The following KALRN variants were observed in gnomAD, a reference collection of about 807,000 sequenced individuals.
KALRN encodes kalirin.
In KALRN, 70 loss-of-function variants were observed where a neutral mutation model predicts 353.7. The ratio of observed to expected loss-of-function variants is 0.20; its 90% CI spans 0.16 to 0.24. The LOEUF is 0.24. Among genes scored for constraint, KALRN ranks in the 10% least tolerant of loss-of-function variants. The pLI, the probability that KALRN is intolerant of heterozygous loss-of-function variation, is 1.00. For synonymous variants in KALRN, 1,391 were observed against 1,434.8 expected, an observed-to-expected ratio of 0.97 and a Z score of 0.69; for missense variants, 2,791 against 3,756.7, an observed-to-expected ratio of 0.74 and a Z score of 6.72.
rs558514636 is a variant in KALRN, at chr3:124,034,493, A to C, written c.73+680A>C. The stretch of plus-strand genomic sequence containing the variant: ...AGAATTACTCATTCCTGGAAGTGTG[A>C]GTTAGCGTCCCTCTCATACACACCC... On this transcript the variant is annotated intron_variant, in intron 1 of 59. Transcript: ENST00000682506. Among the ~76,000 whole-genome samples the C allele has an allele frequency of 2.0e-5, 3 of 152,118 alleles. No homozygotes were observed. In the South Asian group the frequency reaches 6.2e-4, roughly 32 times the overall value.
intron 34 of KALRN, among the ~76,000 whole-genome samples, chr3:124,621,141 A>G (rs1183747741): frequency 6.6e-6 from 1 of 152,200 alleles, no homozygotes; most frequent in Non-Finnish European, 1.5e-5. Context: ...CCCTATGTGG[A>G]TGCCACTGGA....
At chr3:124,260,813 A>G (rs1482105712) in intron 3 of KALRN, among the ~76,000 whole-genome samples, 1 of 151,794 alleles carries the variant, frequency 6.6e-6, no homozygotes, top group Non-Finnish European at 1.5e-5. Flanking sequence ...AATCACTTGA[A>G]CTTTCTCAAT....
chr3:124,185,190 A>G (rs1387591527), intron 1 of KALRN, among the ~76,000 whole-genome samples: 1 of 151,950 alleles, frequency 6.6e-6, no homozygotes, highest in East Asian at 1.9e-4. Flanking sequence ...TAATTTTTGT[A>G]TTTTTAGTAG....
intron 57 of KALRN, among the ~76,000 whole-genome samples, chr3:124,703,087 C>T (rs542732426): frequency 2.6e-5 from 4 of 152,166 alleles, no homozygotes; most frequent in Non-Finnish European, 4.4e-5. Context: ...GGGCCATTGA[C>T]ATCATTTCTA....
intron 34 of KALRN, among the ~76,000 whole-genome samples, chr3:124,612,971 T>A (rs989902740): frequency 5.9e-5 from 9 of 152,204 alleles, no homozygotes; most frequent in Non-Finnish European, 1.0e-4. Flanking sequence ...AAAAGGGCAT[T>A]CTTATGGAAA....
chr3:124,517,613 A>G (rs1372912036), intron 33 of KALRN, among the ~76,000 whole-genome samples: 1 of 152,156 alleles, frequency 6.6e-6, no homozygotes, highest in Non-Finnish European at 1.5e-5. Context: ...CAGATGGCCC[A>G]GTAGAGATGG....
intron 9 of KALRN, among the ~76,000 whole-genome samples, chr3:124,338,794 T>A (rs1467699077): frequency 2.0e-5 from 3 of 152,158 alleles, no homozygotes; most frequent in Non-Finnish European, 4.4e-5. Flanking sequence ...CCTGCGAACT[T>A]GCTTTATGAA....
Position 124,142,984 on chromosome 3 carries a change from A to G in KALRN, c.74-85006A>G, listed in dbSNP as rs1161471182. 3.1e-4 allele frequency among the ~76,000 whole-genome samples: 47 copies of G among 151,234 alleles called. 1 individual carries two copies. Among genetic ancestry groups the G allele is most frequent in the Admixed American group, 3.1e-3 (47 of 15,200 alleles). On this transcript the variant is annotated intron_variant, in intron 1 of 59. Transcript: ENST00000682506. ...AGCTACTAGCTTTATAAGGACAGAA[A>G]CTGTGATGGCTTTTTTTTTTCACTT...
intron 1 of KALRN, among the ~76,000 whole-genome samples, chr3:124,043,004 A>G (rs148068945): frequency 0.012 from 1,819 of 152,344 alleles, 18 homozygotes; most frequent in Non-Finnish European, 0.016. Flanking sequence ...AGGAGAACAG[A>G]TGCAGAAGGG....
chr3:124,539,006 G>C (rs537560984), intron 33 of KALRN, among the ~76,000 whole-genome samples: 1 of 152,164 alleles, frequency 6.6e-6, no homozygotes, highest in Non-Finnish European at 1.5e-5. Flanking sequence ...CTACCATGCT[G>C]TCGCATGGTG....
intron 33 of KALRN, among the ~76,000 whole-genome samples, chr3:124,512,232 C>T (rs1040438499): frequency 6.6e-6 from 1 of 152,200 alleles, no homozygotes; most frequent in African/African-American, 2.4e-5. Flanking sequence ...ACTAGTAAGT[C>T]GGGTCCTCCA....
intron 1 of KALRN, among the ~76,000 whole-genome samples, chr3:124,186,963 A>T (rs2074305110): frequency 6.6e-6 from 1 of 152,124 alleles, no homozygotes; most frequent in Non-Finnish European, 1.5e-5. Flanking sequence ...ATTTATTTTG[A>T]AGGGGGATCT....
At chr3:124,664,377 G>A (rs1461831067) in intron 45 of KALRN, among the ~76,000 whole-genome samples, 10 of 150,532 alleles carry the variant, frequency 6.6e-5, no homozygotes, top group Non-Finnish European at 1.2e-4. Flanking sequence ...GTGTGCGCGC[G>A]CGCGCATATA....
At chr3:124,272,550 G>C (rs1376233272) in intron 5 of KALRN, among the ~76,000 whole-genome samples, 1 of 152,128 alleles carries the variant, frequency 6.6e-6, no homozygotes, top group Non-Finnish European at 1.5e-5. Context: ...GAGTGTGGGG[G>C]AGTGGGCGAA....
chr3:124,694,521 A>G lies in KALRN; in HGVS notation c.7577+18A>G. 6.2e-7 allele frequency: 1 copy of G among 1,608,158 alleles called. No individual in the cohort carries two copies. Among genetic ancestry groups the G allele is most frequent in the Non-Finnish European group, 8.5e-7 (1 of 1,177,138 alleles). Reference sequence around the variant, plus strand: ...TCCTCTTGGTAAGCCGATTGCCCTAACATCAGCAACAGCAGCCCCTTGCTT... The same window carrying G: ...TCCTCTTGGTAAGCCGATTGCCCTAGCATCAGCAACAGCAGCCCCTTGCTT... On this transcript the variant is annotated intron_variant, in intron 53 of 59. Coordinates refer to ENST00000682506, the MANE Select transcript of KALRN (RefSeq NM_001388419.1).
chr3:124,046,323 G>T (rs969509973), intron 1 of KALRN, among the ~76,000 whole-genome samples: 1 of 152,154 alleles, frequency 6.6e-6, no homozygotes, highest in Non-Finnish European at 1.5e-5. Context: ...TGGGCAAAGA[G>T]GTTATCTCTG....
Position 124,067,087 on chromosome 3 carries a change from T to C in KALRN, c.73+33274T>C, listed in dbSNP as rs536264307. On this transcript the variant is annotated intron_variant, in intron 1 of 59. Transcript: ENST00000682506. ...GAGACATTAGAGATAATTTAGTCTATTTGCCTCATTCCTTCAGATAAGAAA... is the reference window on the plus strand; with the variant it reads ...GAGACATTAGAGATAATTTAGTCTACTTGCCTCATTCCTTCAGATAAGAAA... 2.0e-5 allele frequency among the ~76,000 whole-genome samples: 3 copies of C among 152,320 alleles called. No homozygotes were observed. The South Asian group carries it at 6.2e-4, about 32-fold the overall frequency.
chr3:124,229,491 G>T (rs2078927010), intron 2 of KALRN, among the ~76,000 whole-genome samples: 1 of 152,370 alleles, frequency 6.6e-6, no homozygotes, highest in South Asian at 2.1e-4. Flanking sequence ...GGTGATTTTG[G>T]TTATCTACAA....
chr3:124,498,128 T>C (rs902367545), intron 33 of KALRN, among the ~76,000 whole-genome samples: 6 of 152,108 alleles, frequency 3.9e-5, no homozygotes, highest in Non-Finnish European at 7.4e-5. Context: ...AGAACACAGA[T>C]CTCCTGATTT....
Sources: allele counts gnomAD v4.1 joint callset (sites outside exome capture counted in the v4.1 genomes callset), GRCh38; gene constraint gnomAD v4.1.1; transcripts MANE v1.5; gene names NCBI Gene and HGNC (gene_info 2026-07-23, HGNC 2026-07-21).